RGS6: variants seen among roughly 807,000 people sequenced by gnomAD.
The protein encoded by RGS6 is regulator of G-protein signaling 6.
A neutral mutation model predicts 78.5 loss-of-function variants in RGS6; 30 were observed. The observed-to-expected ratio is 0.38, with a 90% CI of 0.29 to 0.52. The LOEUF is 0.52. Ranked by LOEUF, RGS6 falls within the 20% of genes least tolerant of loss-of-function variation. The pLI, the probability that RGS6 is intolerant of heterozygous loss-of-function variation, is 0.85. For missense variants in RGS6, 495 were observed against 609.7 expected (o/e 0.81, Z 1.98); for synonymous variants, 206 against 206.0 (o/e 1.00, Z 0.00).
chr14:71,876,691 G>A, the RGS6 span, among the ~76,000 whole-genome samples: 22 of 151,584 alleles, frequency 1.5e-4, no homozygotes, highest in Non-Finnish European at 2.2e-4. Context: ...GGTTAATATT[G>A]TTATGTGTGA....
At chr14:72,336,452 A>G (rs1439753811) in intron 2 of RGS6, among the ~76,000 whole-genome samples, 1 of 152,112 alleles carries the variant, frequency 6.6e-6, no homozygotes, top group Non-Finnish European at 1.5e-5. Flanking sequence ...CAAGAAGTCA[A>G]ATTAGTTAGT....
intron 2 of RGS6, among the ~76,000 whole-genome samples, chr14:72,013,271 C>CAAAAAA (rs59579709): frequency 4.0e-4 from 31 of 77,036 alleles, no homozygotes; most frequent in Non-Finnish European, 5.6e-4. Context: ...ACTCCGTCTC[C>CAAAAAA]AAAAAAAAAA....
intron 2 of RGS6, among the ~76,000 whole-genome samples, chr14:71,991,178 T>G (rs2094939571): frequency 6.6e-6 from 1 of 152,242 alleles, no homozygotes; most frequent in Admixed American, 6.5e-5. Flanking sequence ...GCCACATAGC[T>G]TATCCCTGTA....
chr14:71,949,725 A>G (rs1348120857), intron 1 of RGS6, among the ~76,000 whole-genome samples: 1 of 149,738 alleles, frequency 6.7e-6, no homozygotes, highest in Non-Finnish European at 1.5e-5. Flanking sequence ...TACTTAAGAA[A>G]TTGTTGCCTA....
chr14:72,230,783 G>C (rs1412932553), intron 2 of RGS6, among the ~76,000 whole-genome samples: 5 of 152,102 alleles, frequency 3.3e-5, no homozygotes, highest in Non-Finnish European at 7.4e-5. Context: ...AGGCCCACCT[G>C]CATGATCAAG....
At chr14:72,436,797 C>T (rs1459829925) in intron 3 of RGS6, among the ~76,000 whole-genome samples, 1 of 152,096 alleles carries the variant, frequency 6.6e-6, no homozygotes, top group African/African-American at 2.4e-5. Context: ...AAACCAGCAT[C>T]GTTATTAGTG....
the RGS6 span, among the ~76,000 whole-genome samples, chr14:72,629,126 G>A: frequency 6.6e-6 from 1 of 152,122 alleles, no homozygotes; most frequent in African/African-American, 2.4e-5. Context: ...TAATATTTTG[G>A]TTATTTAGGT....
chr14:71,905,692 G>A, the RGS6 span, among the ~76,000 whole-genome samples: 4 of 152,144 alleles, frequency 2.6e-5, no homozygotes, highest in African/African-American at 9.7e-5. Context: ...GTTTCACCAT[G>A]TTGCCCAGGC....
chr14:72,335,925 A>G (rs916576196), intron 2 of RGS6, among the ~76,000 whole-genome samples: 10 of 152,160 alleles, frequency 6.6e-5, no homozygotes, highest in African/African-American at 2.4e-4. Context: ...GATAATCACC[A>G]CAGCTTGTGG....
At chr14:72,593,665 C>G in the RGS6 span, among the ~76,000 whole-genome samples, 135,598 of 152,288 alleles carry the variant, frequency 0.89, 60,491 homozygotes, top group Non-Finnish European at 0.92. Context: ...GGGATTACAG[C>G]CGTGAGCCAC....
At chr14:72,556,338 T>C (rs184605938) in intron 17 of RGS6, among the ~76,000 whole-genome samples, 153 of 152,076 alleles carry the variant, frequency 1.0e-3, no homozygotes, top group Non-Finnish European at 1.5e-3. Flanking sequence ...AACCATCGGA[T>C]CTCATGAGAA....
At chr14:72,420,100 T>C (rs1033212253) in intron 3 of RGS6, among the ~76,000 whole-genome samples, 4 of 152,192 alleles carry the variant, frequency 2.6e-5, no homozygotes, top group Non-Finnish European at 4.4e-5. Flanking sequence ...AATTTGGATA[T>C]GTGACTCACT....
At chr14:72,585,401 A>G in the RGS6 span, among the ~76,000 whole-genome samples, 2 of 152,202 alleles carry the variant, frequency 1.3e-5, no homozygotes, top group Non-Finnish European at 2.9e-5. Context: ...GTGTATTAGA[A>G]AGAGCTCTTC....
intron 3 of RGS6, among the ~76,000 whole-genome samples, chr14:72,435,901 G>A (rs1003834793): frequency 6.6e-6 from 1 of 151,984 alleles, no homozygotes; most frequent in African/African-American, 2.4e-5. Flanking sequence ...AGTCCCTTTT[G>A]CCATGTAAGG....
intron 2 of RGS6, among the ~76,000 whole-genome samples, chr14:72,150,703 C>T (rs1392737391): frequency 6.6e-6 from 1 of 152,042 alleles, no homozygotes; most frequent in Non-Finnish European, 1.5e-5. Context: ...CTCGTAAGAA[C>T]TCACTCACTG....
At chr14:72,389,462 C>T (rs1046900450) in intron 3 of RGS6, among the ~76,000 whole-genome samples, 22 of 152,242 alleles carry the variant, frequency 1.4e-4, no homozygotes, top group Admixed American at 3.9e-4. Flanking sequence ...GGGTGAGAAG[C>T]GTGGTGGAGG....
the RGS6 span, among the ~76,000 whole-genome samples, chr14:71,889,825 C>A: frequency 6.6e-6 from 1 of 152,118 alleles, no homozygotes; most frequent in Non-Finnish European, 1.5e-5. Context: ...TTAACGCCAT[C>A]CCCTTGGCAC....
rs138113359 is a variant in RGS6, at chr14:72,256,479, G to A, written c.85-95616G>A. 3.5e-3 allele frequency among the ~76,000 whole-genome samples: 539 copies of A among 152,310 alleles called. 4 individuals are homozygous for A. The highest frequency in any genetic ancestry group is 0.012 in the African/African-American group (502 of 41,562). On this transcript the variant is annotated intron_variant, in intron 2 of 17. Transcript: ENST00000553525. ...TGGCTAGATGGCTCCTGAGCAGTAAGAAATTATAGAAAAGCAAGCTAGGGG... is the reference window on the plus strand; with the variant it reads ...TGGCTAGATGGCTCCTGAGCAGTAAAAAATTATAGAAAAGCAAGCTAGGGG...
At chr14:72,149,317 G>A (rs2096650615) in intron 2 of RGS6, among the ~76,000 whole-genome samples, 1 of 152,192 alleles carries the variant, frequency 6.6e-6, no homozygotes, top group South Asian at 2.1e-4. Flanking sequence ...ACATGGCCCA[G>A]CCATATTCAG....
Sources: gnomAD v4.1 joint callset for allele counts (sites outside exome capture counted in the v4.1 genomes callset) on GRCh38, gnomAD v4.1.1 for gene constraint, MANE v1.5 for transcripts, NCBI Gene and HGNC (gene_info 2026-07-23, HGNC 2026-07-21) for gene names.